The following NRXN1 variants were observed in gnomAD, a reference collection of about 807,000 sequenced individuals.
The protein encoded by NRXN1 is neurexin-1.
Under a neutral mutation model 150.9 loss-of-function variants are expected in NRXN1, and 39 were observed. The observed-to-expected ratio is 0.26, with a 90% CI of 0.20 to 0.34. The LOEUF (loss-of-function observed/expected upper bound fraction) is 0.34, where lower values mean the gene tolerates loss of function less well. Among genes scored for constraint, NRXN1 ranks in the 10% least tolerant of loss-of-function variants. The pLI is 1.00. For missense variants in NRXN1, 1,815 were observed against 1,949.9 expected (o/e 0.93, Z 1.30); for synonymous variants, 924 against 757.0 (o/e 1.22, Z -3.62).
At chr2:50,136,999 T>A (rs1262085356) in intron 18 of NRXN1, among the ~76,000 whole-genome samples, 2 of 152,180 alleles carry the variant, frequency 1.3e-5, no homozygotes, top group Non-Finnish European at 2.9e-5. Context: ...AAGTAAAACA[T>A]ACACCAAAGA....
chr2:50,953,706 T>C (rs1691799468), intron 2 of NRXN1, among the ~76,000 whole-genome samples: 1 of 152,032 alleles, frequency 6.6e-6, no homozygotes, highest in African/African-American at 2.4e-5. Context: ...TGATTATAAG[T>C]ACCCGCCACC....
intron 21 of NRXN1, among the ~76,000 whole-genome samples, chr2:49,971,351 G>A (rs947750061): frequency 1.3e-5 from 2 of 152,118 alleles, no homozygotes; most frequent in South Asian, 2.1e-4. Context: ...TTTAATATGC[G>A]ATGCTACATC....
chr2:49,976,505 A>G (rs1470350468), intron 21 of NRXN1, among the ~76,000 whole-genome samples: 1 of 152,162 alleles, frequency 6.6e-6, no homozygotes, highest in East Asian at 1.9e-4. Flanking sequence ...ATGAATTAAG[A>G]TAATGTTATC....
chr2:49,989,494 G>A (rs191364187), intron 21 of NRXN1, among the ~76,000 whole-genome samples: 1 of 152,108 alleles, frequency 6.6e-6, no homozygotes, highest in Non-Finnish European at 1.5e-5. Context: ...AGACCATGAG[G>A]AGCATACCTT....
chr2:50,767,515 A>G (rs189789769), intron 5 of NRXN1, among the ~76,000 whole-genome samples: 11 of 152,192 alleles, frequency 7.2e-5, no homozygotes, highest in African/African-American at 2.6e-4. Flanking sequence ...GACAGTGAAC[A>G]CTAATGTAGT....
At chr2:50,311,404 A>G (rs2075169537) in intron 17 of NRXN1, among the ~76,000 whole-genome samples, 1 of 152,098 alleles carries the variant, frequency 6.6e-6, no homozygotes, top group South Asian at 2.1e-4. Context: ...ACTGCTGACA[A>G]ATAGGAGTGT....
intron 19 of NRXN1, among the ~76,000 whole-genome samples, chr2:50,086,095 T>C (rs930846878): frequency 2.6e-5 from 4 of 152,178 alleles, no homozygotes; most frequent in Admixed American, 2.6e-4. Context: ...TTGAAGTTCC[T>C]TCCCTCCTTC....
chr2:50,384,947 T>C (rs945954762), intron 17 of NRXN1, among the ~76,000 whole-genome samples: 4 of 152,188 alleles, frequency 2.6e-5, no homozygotes, highest in African/African-American at 4.8e-5. Context: ...CCAATCAATG[T>C]GTTTTGAGCC....
intron 18 of NRXN1, among the ~76,000 whole-genome samples, chr2:50,215,566 T>G (rs183194673): frequency 2.0e-5 from 3 of 152,042 alleles, no homozygotes; most frequent in Non-Finnish European, 2.9e-5. Flanking sequence ...ATCCTTTTAT[T>G]AGTCATGCCA....
chr2:50,630,567 G>A (rs533389887), intron 5 of NRXN1, among the ~76,000 whole-genome samples: 62 of 151,798 alleles, frequency 4.1e-4, no homozygotes, highest in Non-Finnish European at 6.8e-4. Flanking sequence ...CGGGCAGAAC[G>A]AAGTCCCACT....
intron 9 of NRXN1, among the ~76,000 whole-genome samples, chr2:50,542,665 G>A (rs1218855256): frequency 1.3e-5 from 2 of 152,144 alleles, no homozygotes; most frequent in African/African-American, 2.4e-5. Context: ...GAAAATTCAT[G>A]GAGTAAAAAT....
At chr2:50,511,551 G>A (rs2092452637) in intron 12 of NRXN1, among the ~76,000 whole-genome samples, 1 of 152,100 alleles carries the variant, frequency 6.6e-6, no homozygotes, top group African/African-American at 2.4e-5. Context: ...TGACCCTGTA[G>A]CTAAAACCTA....
At chr2:49,944,170 C>T (rs1397324748) in intron 21 of NRXN1, among the ~76,000 whole-genome samples, 1 of 152,150 alleles carries the variant, frequency 6.6e-6, no homozygotes, top group Non-Finnish European at 1.5e-5. Context: ...TTATGTAGTA[C>T]TTGTGCTTGG....
intron 18 of NRXN1, among the ~76,000 whole-genome samples, chr2:50,139,137 C>A (rs1706860323): frequency 6.6e-6 from 1 of 152,018 alleles, no homozygotes; most frequent in Non-Finnish European, 1.5e-5. Context: ...ACTAGCCTAA[C>A]CAACATGGTG....
At chr2:50,554,175 T>C (rs760826602) in intron 8 of NRXN1, among the ~76,000 whole-genome samples, 5 of 152,166 alleles carry the variant, frequency 3.3e-5, no homozygotes, top group African/African-American at 9.7e-5. Context: ...TGTATATGTA[T>C]ACACACATGT....
intron 17 of NRXN1, among the ~76,000 whole-genome samples, chr2:50,322,885 C>A (rs546534950): frequency 3.8e-4 from 58 of 152,244 alleles, no homozygotes; most frequent in Admixed American, 6.5e-4. Context: ...CATTCTAACA[C>A]CTACTCTAAA....
chr2:50,474,835 C>G (rs1164975818), intron 15 of NRXN1, among the ~76,000 whole-genome samples: 1 of 119,434 alleles, frequency 8.4e-6, no homozygotes, highest in Non-Finnish European at 1.7e-5. Flanking sequence ...GCCCGCCCCC[C>G]TACCAAAAAA....
chr2:50,492,704 T>TA (rs534588896), intron 15 of NRXN1, among the ~76,000 whole-genome samples: 37 of 151,944 alleles, frequency 2.4e-4, no homozygotes, highest in Non-Finnish European at 3.8e-4. Context: ...ATAAGGAGGA[T>TA]AAAAAAAATT....
intron 5 of NRXN1, among the ~76,000 whole-genome samples, chr2:50,639,489 A>G (rs370307641): frequency 4.8e-4 from 73 of 151,926 alleles, no homozygotes; most frequent in African/African-American, 1.7e-3. Flanking sequence ...CCAAAGTGCT[A>G]AGATTATAGG....
Sources: allele counts gnomAD v4.1 joint callset (sites outside exome capture counted in the v4.1 genomes callset), GRCh38; gene constraint gnomAD v4.1.1; transcripts MANE v1.5; gene names NCBI Gene and HGNC (gene_info 2026-07-23, HGNC 2026-07-21).